The following RCBTB1 variants were observed in gnomAD, a reference collection of about 807,000 sequenced individuals.
RCBTB1 encodes RCC1 and BTB domain containing protein 1, also known as RCC1 and BTB domain-containing protein 1.
RCBTB1 carries 46 observed loss-of-function variants against 62.4 expected under a neutral mutation model. That is an observed-to-expected ratio of 0.74 (90% CI 0.58 to 0.94). The LOEUF is 0.94. Ranked by LOEUF, RCBTB1 falls within the 40% of genes least tolerant of loss-of-function variation. RCBTB1 has a pLI of 0.00. For synonymous variants in RCBTB1, 222 were observed against 245.8 expected (o/e 0.90, Z 0.91); for missense variants, 565 against 654.9 (o/e 0.86, Z 1.50).
chr13:49,542,213 CAAA>C (rs11285149), intron 10 of RCBTB1, among the ~76,000 whole-genome samples: 15 of 139,344 alleles, frequency 1.1e-4, no homozygotes, highest in Admixed American at 2.9e-4. Flanking sequence ...AACTCCGTCT[CAAA>C]AAAAAAAAAA....
chr13:49,561,139 T>C (rs1962401417), intron 4 of RCBTB1, among the ~76,000 whole-genome samples: 1 of 152,212 alleles, frequency 6.6e-6, no homozygotes, highest in Admixed American at 6.5e-5. Flanking sequence ...TTACACATTC[T>C]CCTCTTATCT....
In RCBTB1 at chr13:49,532,664, C is replaced by A. The variant is rs1209900819; in HGVS notation, c.*1458G>T. ...AATTCCTATCTTTAGGGCCTCACTC[C>A]CCTTCCCACCCCAATAGACACAAAT... On this transcript the variant is annotated 3_prime_UTR_variant, in exon 13 of 13. Transcript: ENST00000378302. The A allele has an allele frequency of 6.6e-6, 1 of 152,084 alleles. No individual in the cohort carries two copies. Among genetic ancestry groups the A allele is most frequent in the Admixed American group, 6.5e-5 (1 of 15,268 alleles). The allele number at this position is 152,084 out of a possible 1,614,324, so 9.4% of individuals were successfully genotyped here.
chr13:49,558,099 G>A (rs1302525218), intron 5 of RCBTB1, among the ~76,000 whole-genome samples: 2 of 152,230 alleles, frequency 1.3e-5, no homozygotes, highest in Non-Finnish European at 2.9e-5. Flanking sequence ...CAGGGCCACT[G>A]TCTGTGGAGT....
At chr13:49,536,207 G>C (rs1959932858) in intron 12 of RCBTB1, among the ~76,000 whole-genome samples, 1 of 152,068 alleles carries the variant, frequency 6.6e-6, no homozygotes, top group African/African-American at 2.4e-5. Context: ...AACATTAAAA[G>C]CCAAACTAGA....
intron 2 of RCBTB1, among the ~76,000 whole-genome samples, chr13:49,568,593 C>T (rs1267297297): frequency 6.6e-6 from 1 of 151,714 alleles, no homozygotes; most frequent in Non-Finnish European, 1.5e-5. Context: ...TTTGTTTAAA[C>T]TGGCATTTCC....
intron 8 of RCBTB1, chr13:49,550,432 T>C: frequency 1.0e-6 from 1 of 984,524 alleles, no homozygotes; most frequent in South Asian, 4.7e-5. Context: ...GTAGTATGCT[T>C]CTTGGGTAAG....
At chr13:49,576,413 A>G (rs1963791437) in intron 2 of RCBTB1, among the ~76,000 whole-genome samples, 1 of 152,184 alleles carries the variant, frequency 6.6e-6, no homozygotes, top group Non-Finnish European at 1.5e-5. Context: ...ACTCAAAGAT[A>G]CATTTCTAAA....
intron 2 of RCBTB1, among the ~76,000 whole-genome samples, chr13:49,575,731 A>T (rs1035620526): frequency 1.3e-5 from 2 of 152,096 alleles, no homozygotes; most frequent in African/African-American, 4.8e-5. Context: ...GACACTGGAG[A>T]CTACTACAGG....
At chr13:49,540,306 C>A (rs1187563905) in intron 12 of RCBTB1, among the ~76,000 whole-genome samples, 2 of 152,208 alleles carry the variant, frequency 1.3e-5, no homozygotes, top group Admixed American at 1.3e-4. Flanking sequence ...CACAAACTTT[C>A]AGACTCCCCA....
At chr13:49,565,137 G>T (rs1396477091) in intron 4 of RCBTB1, among the ~76,000 whole-genome samples, 2 of 152,178 alleles carry the variant, frequency 1.3e-5, no homozygotes, top group Non-Finnish European at 2.9e-5. Flanking sequence ...GCCTCAGCCT[G>T]CCGAGTGCCT....
chr13:49,549,797 A>T, intron 8 of RCBTB1, 149 bp from the exon 9 acceptor site: 1 of 1,429,476 alleles, frequency 7.0e-7, no homozygotes, highest in Non-Finnish European at 9.1e-7. Flanking sequence ...CAGCAACAAA[A>T]GCAACAGATC....
chr13:49,581,193 T>C (rs1411225869), intron 1 of RCBTB1, among the ~76,000 whole-genome samples: 1 of 149,216 alleles, frequency 6.7e-6, no homozygotes, highest in East Asian at 2.0e-4. Flanking sequence ...CACAGAGACA[T>C]GAGACGACAA....
rs140712130 is a variant in RCBTB1 at position 49,538,994 on chromosome 13, C to T, written c.1455+1882G>A. ...AAGCAATTCTCCTGCCTCAGCCTCC[C>T]GAATAGCTGGGATTACAGGTACGCA... is the stretch of plus-strand genomic sequence containing the variant. On this transcript the variant is annotated intron_variant, in intron 12 of 12. Coordinates refer to ENST00000378302, the MANE Select transcript of RCBTB1 (RefSeq NM_018191.4). 3.8e-3 allele frequency among the ~76,000 whole-genome samples: 570 copies of T among 151,734 alleles called. 3 individuals are homozygous for T. The highest frequency in any genetic ancestry group is 0.017 in the East Asian group (87 of 5,154).
rs568600413 is a variant in RCBTB1, at chr13:49,546,901, G to A, written c.1046-2038C>T. On this transcript the variant is annotated intron_variant, in intron 9 of 12. Coordinates refer to ENST00000378302, the MANE Select transcript of RCBTB1 (RefSeq NM_018191.4). Reference sequence around the variant, plus strand: ...AGTACAGGCATATGGCCTGGGGTGTGGGGACCCCTGATCTAGGAGGATATA... The same window carrying A: ...AGTACAGGCATATGGCCTGGGGTGTAGGGACCCCTGATCTAGGAGGATATA... The A allele has an allele frequency of 1.3e-5, 13 of 977,432 alleles. 1 individual carries two copies. The African/African-American group carries it at 1.8e-4, about 13-fold the overall frequency. 60.5% of individuals were successfully genotyped at this position (977,432 alleles called of 1,614,324 possible).
At position 49,541,766 on chromosome 13, in the gene RCBTB1, C is replaced by A; in HGVS notation, c.1234G>T (p.Glu412Ter). 1 of 1,614,162 alleles carries A rather than the reference C, an allele frequency of 6.2e-7. No individual in the cohort carries two copies. Among genetic ancestry groups the A allele is most frequent in the Non-Finnish European group, 8.5e-7 (1 of 1,180,014 alleles). Residue 412 changes from glutamate (E) to a stop codon, truncating the protein, a stop_gained, in exon 11 of 13, where the codon GAA (glutamate) becomes TAA (stop). Transcript: ENST00000378302. LOFTEE classifies it high-confidence loss of function. ...YWNEDMKEVI[E>*]IDQFSYPVYR... is the part of the protein sequence containing the mutation. ...ACTGGGTAAGAAAACTGATCGATTT[C>A]TATCACTTCCTTCATGTCTTCATTC...
chr13:49,544,587 G>T, intron 10 of RCBTB1, 150 bp downstream of exon 10: 1 of 557,248 alleles, frequency 1.8e-6, no homozygotes, highest in African/African-American at 1.9e-5. Context: ...AAAACTCTTT[G>T]ACATGAAATG....
intron 1 of RCBTB1, among the ~76,000 whole-genome samples, chr13:49,584,004 A>G (rs1256573277): frequency 2.0e-5 from 3 of 152,184 alleles, no homozygotes; most frequent in African/African-American, 7.2e-5. Flanking sequence ...TCATCATCAT[A>G]ATAAAGGTCC....
intron 12 of RCBTB1, among the ~76,000 whole-genome samples, chr13:49,536,201 T>G (rs904493421): frequency 2.0e-5 from 3 of 152,156 alleles, no homozygotes; most frequent in African/African-American, 7.2e-5. Context: ...GTTCCAAACA[T>G]TAAAAGCCAA....
intron 4 of RCBTB1, among the ~76,000 whole-genome samples, chr13:49,560,913 G>A (rs959501914): frequency 9.9e-5 from 15 of 152,270 alleles, no homozygotes; most frequent in South Asian, 2.1e-4. Flanking sequence ...AGGGGTGCAC[G>A]GAGCTCCCAT....
Sources: allele counts gnomAD v4.1 joint callset (sites outside exome capture counted in the v4.1 genomes callset), GRCh38; gene constraint gnomAD v4.1.1; transcripts MANE v1.5; gene names NCBI Gene and HGNC (gene_info 2026-07-23, HGNC 2026-07-21).